The following IGF1R variants were observed in gnomAD, a reference collection of about 807,000 sequenced individuals.
The protein encoded by IGF1R is insulin like growth factor 1 receptor, also known as insulin-like growth factor 1 receptor.
Under a neutral mutation model 144.6 loss-of-function variants are expected in IGF1R, and 44 were observed. The ratio of observed to expected loss-of-function variants is 0.30; its 90% CI spans 0.24 to 0.39. IGF1R has a LOEUF of 0.39. Ranked by LOEUF, IGF1R falls within the 10% of genes least tolerant of loss-of-function variation. The pLI, the probability that IGF1R is intolerant of heterozygous loss-of-function variation, is 1.00. For missense variants in IGF1R, 1,355 were observed against 1,833.7 expected (o/e 0.74, Z 4.77); for synonymous variants, 795 against 722.8 (o/e 1.10, Z -1.60).
At position 98,704,774 on chromosome 15, in the gene IGF1R, G is replaced by T. The variant is rs2053821787; in HGVS notation, c.95-2788G>T. 6.6e-6 allele frequency among the ~76,000 whole-genome samples: 1 copy of T among 152,112 alleles called. No individual in the cohort carries two copies. Among genetic ancestry groups the T allele is most frequent in the Non-Finnish European group, 1.5e-5 (1 of 68,018 alleles). ...GTACCTTGGGAGGGAAGTGTGTAGGGTTGTTGAGGAACAGCGTGCTGCACA... is the reference window on the plus strand; with the variant it reads ...GTACCTTGGGAGGGAAGTGTGTAGGTTTGTTGAGGAACAGCGTGCTGCACA... On this transcript the variant is annotated intron_variant, in intron 1 of 20. Coordinates refer to ENST00000650285, the MANE Select transcript of IGF1R (RefSeq NM_000875.5). This position sits in a 1 kb window ranked among gnomAD's most constrained non-coding sequence, Gnocchi z 4.9.
intron 1 of IGF1R, among the ~76,000 whole-genome samples, chr15:98,650,156 G>C (rs2052317377): frequency 6.6e-6 from 1 of 152,206 alleles, no homozygotes; most frequent in South Asian, 2.1e-4. Context: ...AGTGGGGAGC[G>C]GGCAGCCGCC....
chr15:98,921,476 G>C (rs35511073), intron 10 of IGF1R, among the ~76,000 whole-genome samples: 2,272 of 152,270 alleles, frequency 0.015, 29 homozygotes, highest in Non-Finnish European at 0.024. Flanking sequence ...CCTTGATGAG[G>C]CCACAGGTGC....
In IGF1R at chr15:98,707,555, C is replaced by T; in HGVS notation, c.95-7C>T. Reference sequence around the variant, plus strand: ...ACTGAGACGTTTACCCTCTTGTCTCCCTTCAGTCTGCGGGCCAGGCATCGA... The same window carrying T: ...ACTGAGACGTTTACCCTCTTGTCTCTCTTCAGTCTGCGGGCCAGGCATCGA... On this transcript the variant is annotated splice_polypyrimidine_tract_variant and splice_region_variant and intron_variant, in intron 1 of 20. Transcript: ENST00000650285. The surrounding 1 kb of genome is among the most constrained non-coding windows in gnomAD (Gnocchi z 6.7). The T allele has an allele frequency of 1.2e-6, 2 of 1,614,028 alleles. No homozygotes were observed. Among genetic ancestry groups the T allele is most frequent in the South Asian group, 1.1e-5 (1 of 91,068 alleles).
At position 98,862,798 on chromosome 15, in the gene IGF1R, G is replaced by A. The variant is rs187777392; in HGVS notation, c.641-28527G>A. On this transcript the variant is annotated intron_variant, in intron 2 of 20. Transcript: ENST00000650285. ...TTTTGCTTTATCAACTTTTAAAAAC[G>A]TTTATTAACTTTTTAATTTGAAATA... Among the ~76,000 whole-genome samples the A allele has an allele frequency of 6.8e-3, 1,037 of 152,266 alleles. 51 individuals are homozygous for A. The highest frequency in any genetic ancestry group is 0.062 in the Admixed American group (953 of 15,302).
rs1460978847 is a variant in IGF1R at position 98,964,121 on chromosome 15, TTGTC to T, written c.*6682_*6685del. Reference sequence around the variant, plus strand: ...AGTTTGTCTACCTCTGGGTATCCCTTTGTCTGGGATAAAAAAAATCAAACCAGAA... The same window carrying T: ...AGTTTGTCTACCTCTGGGTATCCCTTTGGGATAAAAAAAATCAAACCAGAA... On this transcript the variant is annotated 3_prime_UTR_variant, in exon 21 of 21. Coordinates refer to ENST00000650285, the MANE Select transcript of IGF1R (RefSeq NM_000875.5). The T allele has an allele frequency of 8.6e-6, 2 of 232,660 alleles. No homozygotes were observed. Among genetic ancestry groups the T allele is most frequent in the East Asian group, 6.1e-5 (1 of 16,436 alleles). The allele number at this position is 232,660 out of a possible 1,614,324, so 14.4% of individuals were successfully genotyped here. A position where few individuals can be genotyped will look rare whatever the true frequency, so the allele number is the denominator to read the frequency against.
chr15:98,649,081 C>T lies in IGF1R; in HGVS notation c.-501C>T, dbSNP rs1436808783. The T allele has an allele frequency of 3.2e-5, 7 of 219,156 alleles. No individual in the cohort carries two copies. Among genetic ancestry groups the T allele is most frequent in the South Asian group, 1.8e-4 (1 of 5,596 alleles). The allele number at this position is 219,156 out of a possible 1,614,324, so 13.6% of individuals were successfully genotyped here. Reference sequence around the variant, plus strand: ...GCTCATTCATTTTGACTCCGCGTTTCTGCCCCTCGCCGGCCTCGCCTGTGA... The same window carrying T: ...GCTCATTCATTTTGACTCCGCGTTTTTGCCCCTCGCCGGCCTCGCCTGTGA... On this transcript the variant is annotated 5_prime_UTR_variant, in exon 1 of 21. Coordinates refer to ENST00000650285, the MANE Select transcript of IGF1R (RefSeq NM_000875.5).
At position 98,916,874 on chromosome 15, in the gene IGF1R, C is replaced by T; in HGVS notation, c.2199C>T (p.Pro733=). The T allele has an allele frequency of 1.2e-6, 2 of 1,613,872 alleles. No individual in the cohort carries two copies. The highest frequency in any genetic ancestry group is 1.3e-5 in the African/African-American group (1 of 75,020). ...ENFLHNSIFV[P]RPERKRRDVM... ...TCCTGCACAACTCCATCTTCGTGCCCAGGTACCCAGCTCATGTGAAATTTC... is the reference window on the plus strand; with the variant it reads ...TCCTGCACAACTCCATCTTCGTGCCTAGGTACCCAGCTCATGTGAAATTTC... The change falls in exon 10 of 21, where the codon CCC becomes CCT. Residue 733 remains proline, a splice_region_variant and synonymous_variant. Transcript: ENST00000650285.
intron 2 of IGF1R, among the ~76,000 whole-genome samples, chr15:98,716,578 T>TCC (rs2054122844): frequency 1.3e-5 from 2 of 152,228 alleles, no homozygotes; most frequent in African/African-American, 2.4e-5. Context: ...AGCTGGAGTT[T>TCC]CGTCTGATTG....
intron 1 of IGF1R, among the ~76,000 whole-genome samples, chr15:98,699,745 C>A (rs183196082): frequency 3.7e-4 from 57 of 152,280 alleles, no homozygotes; most frequent in Non-Finnish European, 7.4e-5. Flanking sequence ...CTGGTTTTAA[C>A]GTTCTGAGCC....
chr15:98,923,628 G>C (rs2015583623), intron 11 of IGF1R, among the ~76,000 whole-genome samples: 1 of 152,240 alleles, frequency 6.6e-6, no homozygotes, highest in African/African-American at 2.4e-5. Flanking sequence ...GTGGCATCTT[G>C]AGACGTGCAA....
intron 2 of IGF1R, among the ~76,000 whole-genome samples, chr15:98,757,977 A>G (rs2055196728): frequency 6.6e-6 from 1 of 152,216 alleles, no homozygotes; most frequent in African/African-American, 2.4e-5. Flanking sequence ...CTCCTGAAAT[A>G]GGTACCAGCA....
At chr15:98,699,554 T>C (rs1480266115) in intron 1 of IGF1R, among the ~76,000 whole-genome samples, 1 of 152,216 alleles carries the variant, frequency 6.6e-6, no homozygotes, top group Non-Finnish European at 1.5e-5. Flanking sequence ...TTGTTACAAA[T>C]ACAGCTCTGC....
At chr15:98,929,446 G>A (rs924867608) in intron 13 of IGF1R, 112 bp from the exon 14 acceptor site, 2 of 804,084 alleles carry the variant, frequency 2.5e-6, no homozygotes, top group African/African-American at 3.4e-5. Context: ...GTATGATGGG[G>A]AGTAAACGAA....
At chr15:98,896,938 G>T (rs752364299) in intron 4 of IGF1R, 33 bp downstream of exon 4, 1 of 1,610,052 alleles carries the variant, frequency 6.2e-7, no homozygotes. Flanking sequence ...AAAACGGCTA[G>T]ATCTCATGGT....
chr15:98,944,283 G>T (rs1318431733), intron 19 of IGF1R, among the ~76,000 whole-genome samples: 2 of 152,160 alleles, frequency 1.3e-5, no homozygotes, highest in African/African-American at 4.8e-5. Flanking sequence ...CCCAAATTCT[G>T]ACGAGCAGTT....
chr15:98,771,230 C>A (rs779872190), intron 2 of IGF1R, among the ~76,000 whole-genome samples: 46 of 152,172 alleles, frequency 3.0e-4, no homozygotes, highest in Non-Finnish European at 5.9e-4. Flanking sequence ...ACACATACCC[C>A]CTGCTGCTCC....
intron 1 of IGF1R, among the ~76,000 whole-genome samples, chr15:98,680,206 C>T (rs1299815611): frequency 6.6e-6 from 1 of 151,938 alleles, no homozygotes; most frequent in Non-Finnish European, 1.5e-5. Context: ...CTGACTCACC[C>T]GAGGGAGCAA....
chr15:98,752,569 G>C (rs1285899249), intron 2 of IGF1R, among the ~76,000 whole-genome samples: 2 of 152,026 alleles, frequency 1.3e-5, no homozygotes, highest in Non-Finnish European at 2.9e-5. Flanking sequence ...TGTAATCCCA[G>C]CTACTCTGGA....
chr15:98,818,795 G>T (rs1267550616), intron 2 of IGF1R, among the ~76,000 whole-genome samples: 2 of 141,940 alleles, frequency 1.4e-5, no homozygotes, highest in Non-Finnish European at 1.5e-5. Context: ...ATTGACAGAT[G>T]TTAACCTGGG....
Sources: gnomAD v4.1 joint callset for allele counts (sites outside exome capture counted in the v4.1 genomes callset) on GRCh38, gnomAD v4.1.1 for gene constraint, Gnocchi (gnomAD v3.1) non-coding constraint, MANE v1.5 for transcripts, NCBI Gene and HGNC (gene_info 2026-07-23, HGNC 2026-07-21) for gene names.